Variants in AGTPBP1 observed in about 807,000 individuals in gnomAD.
The protein encoded by AGTPBP1 is ATP/GTP binding carboxypeptidase 1.
AGTPBP1 carries 70 observed loss-of-function variants against 143.9 expected under a neutral mutation model. That is an observed-to-expected ratio of 0.49 (90% CI 0.40 to 0.59). The LOEUF is 0.59. Among genes scored for constraint, AGTPBP1 ranks in the 20% least tolerant of loss-of-function variants. The pLI is 0.00. For missense variants in AGTPBP1, 1,229 were observed against 1,464.5 expected (o/e 0.84, Z 2.62); for synonymous variants, 463 against 500.2 (o/e 0.93, Z 0.99).
chr9:85,683,515 CACT>C (rs2134181891), intron 3 of AGTPBP1, among the ~76,000 whole-genome samples: 1 of 152,262 alleles, frequency 6.6e-6, no homozygotes, highest in East Asian at 1.9e-4. Flanking sequence ...TAACATTCAC[CACT>C]GTTTTGTTTA....
At chr9:85,549,518 C>T (rs901093508) in intron 25 of AGTPBP1, among the ~76,000 whole-genome samples, 1 of 152,082 alleles carries the variant, frequency 6.6e-6, no homozygotes, top group South Asian at 2.1e-4. Context: ...ATCTCATTCT[C>T]CATGGGAAAC....
chr9:85,561,961 A>G (rs1018835250), intron 25 of AGTPBP1, among the ~76,000 whole-genome samples: 1 of 151,596 alleles, frequency 6.6e-6, no homozygotes, highest in Non-Finnish European at 1.5e-5. Context: ...CCTCCCGAGT[A>G]GCTAGGATTA....
chr9:85,789,755 A>G, the AGTPBP1 span, among the ~76,000 whole-genome samples: 3 of 152,190 alleles, frequency 2.0e-5, no homozygotes, highest in South Asian at 6.2e-4. Context: ...TGCCTTGTTC[A>G]GTCTAGGCCA....
At chr9:85,612,693 T>G (rs1830385928) in intron 17 of AGTPBP1, among the ~76,000 whole-genome samples, 1 of 152,096 alleles carries the variant, frequency 6.6e-6, no homozygotes, top group Non-Finnish European at 1.5e-5. Context: ...GGGGCAGTCG[T>G]GGGAGACTGA....
At chr9:85,712,597 C>G in intron 1 of AGTPBP1, 31 bp from the exon 2 acceptor site, 2 of 1,149,460 alleles carry the variant, frequency 1.7e-6, no homozygotes, top group Non-Finnish European at 1.2e-6. Context: ...ATATTAAAAA[C>G]TTATAACTCT....
At chr9:85,751,992 G>C in the AGTPBP1 span, among the ~76,000 whole-genome samples, 1 of 150,368 alleles carries the variant, frequency 6.7e-6, no homozygotes, top group Non-Finnish European at 1.5e-5. Flanking sequence ...ACCTTGGGAG[G>C]CTGAGGCAGG....
At chr9:85,621,141 A>T (rs1043516893) in intron 15 of AGTPBP1, 61 bp downstream of exon 15, 40 of 916,058 alleles carry the variant, frequency 4.4e-5, no homozygotes, top group Non-Finnish European at 5.7e-5. Flanking sequence ...TTTTAGAAAT[A>T]ATACTAAAAT....
chr9:85,621,757 T>G (rs1395388765), intron 14 of AGTPBP1, among the ~76,000 whole-genome samples: 3 of 152,178 alleles, frequency 2.0e-5, no homozygotes, highest in Non-Finnish European at 4.4e-5. Context: ...TCGTAGAATC[T>G]CTCCTCTCTT....
chr9:85,548,687 G>GT (rs1256786507), intron 25 of AGTPBP1, among the ~76,000 whole-genome samples: 4 of 149,358 alleles, frequency 2.7e-5, no homozygotes, highest in Non-Finnish European at 4.4e-5. Context: ...TTTTGTTTTT[G>GT]TTTTTTGAGA....
At chr9:85,679,582 G>A (rs1835044275) in intron 4 of AGTPBP1, among the ~76,000 whole-genome samples, 1 of 151,898 alleles carries the variant, frequency 6.6e-6, no homozygotes, top group Admixed American at 6.6e-5. Context: ...TAATTTTTTT[G>A]TATTTTTAGT....
rs192637097 is a variant in AGTPBP1 at position 85,646,111 on chromosome 9, G to A, written c.1185+210C>T. On this transcript the variant is annotated intron_variant, in intron 12 of 25. Coordinates refer to ENST00000357081, the MANE Select transcript of AGTPBP1 (RefSeq NM_001330701.2). ...GTTAGATAAAATCTTTCTGGTCAGA[G>A]AGAGTGAAAATAAGTTACTTTAAGG... Among the ~76,000 whole-genome samples the A allele has an allele frequency of 9.2e-5, 14 of 152,278 alleles. No homozygotes were observed. In the East Asian group the frequency reaches 2.5e-3, roughly 27 times the overall value.
chr9:85,741,262 G>A (rs1027789982), intron 1 of AGTPBP1: 1 of 985,340 alleles, frequency 1.0e-6, no homozygotes, highest in Non-Finnish European at 1.2e-6. Flanking sequence ...CGATGTCACA[G>A]CAAATCCCAC....
At chr9:85,656,546 A>T (rs116379453) in intron 10 of AGTPBP1, among the ~76,000 whole-genome samples, 230 of 152,290 alleles carry the variant, frequency 1.5e-3, no homozygotes, top group African/African-American at 5.4e-3. Flanking sequence ...GGCACAATCA[A>T]GATAACTGGC....
chr9:85,659,914 T>C (rs1833751957), intron 9 of AGTPBP1, among the ~76,000 whole-genome samples: 3 of 152,124 alleles, frequency 2.0e-5, no homozygotes, highest in South Asian at 4.1e-4. Context: ...ACATCATATA[T>C]GAAAATAAAG....
intron 13 of AGTPBP1, among the ~76,000 whole-genome samples, chr9:85,641,947 C>T (rs1181577018): frequency 6.6e-6 from 1 of 152,172 alleles, no homozygotes; most frequent in Non-Finnish European, 1.5e-5. Flanking sequence ...TATCTGCCCA[C>T]CTCGGCCTCC....
chr9:85,737,869 G>C (rs1016717729), intron 1 of AGTPBP1, among the ~76,000 whole-genome samples: 1 of 151,944 alleles, frequency 6.6e-6, no homozygotes, highest in African/African-American at 2.4e-5. Context: ...TCCCTCCCCG[G>C]CCTCCCCACC....
the AGTPBP1 span, among the ~76,000 whole-genome samples, chr9:85,772,590 A>G: frequency 3.3e-5 from 5 of 152,076 alleles, no homozygotes; most frequent in African/African-American, 1.2e-4. Context: ...CTACGAAAAA[A>G]TTTTTTAAAA....
At chr9:85,647,545 G>A (rs189602249) in intron 11 of AGTPBP1, among the ~76,000 whole-genome samples, 1 of 152,256 alleles carries the variant, frequency 6.6e-6, no homozygotes, top group East Asian at 1.9e-4. Flanking sequence ...GAGTAAACAC[G>A]TAATTATAAT....
At chr9:85,594,460 T>G (rs1829167013) in intron 18 of AGTPBP1, among the ~76,000 whole-genome samples, 1 of 152,096 alleles carries the variant, frequency 6.6e-6, no homozygotes, top group Non-Finnish European at 1.5e-5. Context: ...ACAACTGTAG[T>G]CCCAGCTACT....
Sources: allele counts gnomAD v4.1 joint callset (sites outside exome capture counted in the v4.1 genomes callset), GRCh38; gene constraint gnomAD v4.1.1; transcripts MANE v1.5; gene names NCBI Gene and HGNC (gene_info 2026-07-23, HGNC 2026-07-21).